GRXCR1: variants seen among roughly 807,000 people sequenced by gnomAD.
GRXCR1 encodes the protein glutaredoxin and cysteine rich domain containing 1.
In GRXCR1, 27 loss-of-function variants were observed where a neutral mutation model predicts 27.3. The ratio of observed to expected loss-of-function variants is 0.99; its 90% CI spans 0.73 to 1.37. The LOEUF is 1.37. Among genes scored for constraint, GRXCR1 ranks in the 40% most tolerant of loss-of-function variants. GRXCR1 has a pLI of 0.00. For synonymous variants in GRXCR1, 122 were observed against 131.1 expected (o/e 0.93, Z 0.47); for missense variants, 379 against 354.4 (o/e 1.07, Z -0.56).
chr4:42,896,550 C>G (rs1290412392), intron 1 of GRXCR1, among the ~76,000 whole-genome samples: 2 of 151,938 alleles, frequency 1.3e-5, no homozygotes, highest in Non-Finnish European at 2.9e-5. Flanking sequence ...GTTGAATTTG[C>G]CAACTCTCCC....
chr4:42,940,107 G>A (rs1747580186), intron 1 of GRXCR1, among the ~76,000 whole-genome samples: 1 of 151,908 alleles, frequency 6.6e-6, no homozygotes, highest in African/African-American at 2.4e-5. Flanking sequence ...CAGAGCCATG[G>A]GAGGATCTTT....
chr4:43,000,494 A>G (rs1712317457), intron 2 of GRXCR1, among the ~76,000 whole-genome samples: 1 of 142,466 alleles, frequency 7.0e-6, no homozygotes, highest in South Asian at 2.2e-4. Context: ...AAAAAAAAAA[A>G]AAAGAAGGCA....
At chr4:43,004,021 C>T (rs1226305552) in intron 2 of GRXCR1, among the ~76,000 whole-genome samples, 1 of 152,214 alleles carries the variant, frequency 6.6e-6, no homozygotes, top group Admixed American at 6.5e-5. Flanking sequence ...ATAACATAGG[C>T]CTGGAGGCCT....
At chr4:42,989,031 A>G (rs1175428315) in intron 2 of GRXCR1, among the ~76,000 whole-genome samples, 1 of 152,246 alleles carries the variant, frequency 6.6e-6, no homozygotes, top group Non-Finnish European at 1.5e-5. Context: ...TCTCTGTTAC[A>G]TGAAGCTAGT....
chr4:43,030,142 G>A (rs1713375579), intron 3 of GRXCR1, among the ~76,000 whole-genome samples: 1 of 152,334 alleles, frequency 6.6e-6, no homozygotes, highest in Non-Finnish European at 1.5e-5. Context: ...AACCAAGCCT[G>A]TGGTATAGAT....
chr4:43,018,088 TC>T (rs1712983487), intron 2 of GRXCR1, among the ~76,000 whole-genome samples: 1 of 152,198 alleles, frequency 6.6e-6, no homozygotes, highest in South Asian at 2.1e-4. Context: ...GATTTCCTTG[TC>T]CCCTGTAGGA....
At position 42,987,271 on chromosome 4, in the gene GRXCR1, T is replaced by G. The variant is rs1432446928; in HGVS notation, c.627+24137T>G. Among the ~76,000 whole-genome samples, 25 of 116,444 alleles carry G rather than the reference T, an allele frequency of 2.1e-4. 1 individual carries two copies. The South Asian group carries it at 3.1e-3, about 14-fold the overall frequency. 76.4% of individuals were successfully genotyped at this position (116,444 alleles called of 152,430 possible). The stretch of plus-strand genomic sequence containing the variant: ...ATAATATATATATATAATATATATA[T>G]ATATATAGAGAGAGAGAGAGAGAGA... On this transcript the variant is annotated intron_variant, in intron 2 of 3. Coordinates refer to ENST00000399770, the MANE Select transcript of GRXCR1 (RefSeq NM_001080476.3).
At chr4:42,944,088 A>G (rs1033173731) in intron 1 of GRXCR1, among the ~76,000 whole-genome samples, 5 of 152,094 alleles carry the variant, frequency 3.3e-5, no homozygotes, top group South Asian at 2.1e-4. Context: ...GAACAGAGCA[A>G]TACAGATAAG....
intron 1 of GRXCR1, among the ~76,000 whole-genome samples, chr4:42,951,313 C>T (rs1295199038): frequency 1.3e-5 from 2 of 152,192 alleles, no homozygotes; most frequent in African/African-American, 2.4e-5. Flanking sequence ...ATGCTCATCT[C>T]TTCCAGAAAC....
rs78131488 is a variant in GRXCR1 at position 42,998,393 on chromosome 4, T to C, written c.628-21961T>C. On this transcript the variant is annotated intron_variant, in intron 2 of 3. Coordinates refer to ENST00000399770, the MANE Select transcript of GRXCR1 (RefSeq NM_001080476.3). ...CCACATTTTTATTCATGTACAAATG[T>C]TCCATGCACATGTAATTAAGTAGAG... Among the ~76,000 whole-genome samples the C allele has an allele frequency of 3.8e-3, 586 of 152,312 alleles. 2 individuals are homozygous for C. Among genetic ancestry groups the C allele is most frequent in the South Asian group, 4.6e-3 (22 of 4,826 alleles).
intron 1 of GRXCR1, among the ~76,000 whole-genome samples, chr4:42,918,690 A>G: frequency 6.6e-6 from 1 of 152,090 alleles, no homozygotes; most frequent in Non-Finnish European, 1.5e-5. Flanking sequence ...TTCTTTCCCA[A>G]TAAGCATCTA....
At chr4:42,978,565 T>C (rs1424268206) in intron 2 of GRXCR1, among the ~76,000 whole-genome samples, 1 of 152,086 alleles carries the variant, frequency 6.6e-6, no homozygotes, top group Admixed American at 6.6e-5. Context: ...ACTTATATAA[T>C]TGAGATTGTT....
intron 1 of GRXCR1, among the ~76,000 whole-genome samples, chr4:42,911,176 A>G (rs1438388601): frequency 6.6e-6 from 1 of 152,202 alleles, no homozygotes; most frequent in Non-Finnish European, 1.5e-5. Flanking sequence ...ATGAATGAAT[A>G]CATTCTGATA....
At chr4:42,912,714 G>T (rs1452547788) in intron 1 of GRXCR1, among the ~76,000 whole-genome samples, 1 of 152,164 alleles carries the variant, frequency 6.6e-6, no homozygotes, top group Non-Finnish European at 1.5e-5. Flanking sequence ...GGAAACTAAA[G>T]TGCTGATCCT....
intron 1 of GRXCR1, among the ~76,000 whole-genome samples, chr4:42,903,679 TC>T (rs1271892955): frequency 1.4e-5 from 2 of 147,920 alleles, no homozygotes; most frequent in Non-Finnish European, 3.0e-5. Context: ...TTTTCTTTTT[TC>T]CCCTAAATTT....
At chr4:42,915,720 C>T (rs1746870682) in intron 1 of GRXCR1, among the ~76,000 whole-genome samples, 2 of 151,880 alleles carry the variant, frequency 1.3e-5, no homozygotes, top group Admixed American at 1.3e-4. Context: ...GAGTCATAGC[C>T]CAGTCCCATT....
chr4:42,983,565 T>C (rs1303908188), intron 2 of GRXCR1, among the ~76,000 whole-genome samples: 1 of 151,920 alleles, frequency 6.6e-6, no homozygotes. Context: ...ATATGAACTT[T>C]AAGGTAGTTT....
rs573648196 is a variant in GRXCR1 at position 42,944,033 on chromosome 4, A to AT, written c.385-18854dup. 4.6e-4 allele frequency among the ~76,000 whole-genome samples: 70 copies of AT among 152,210 alleles called. 2 individuals are homozygous for AT. The South Asian group carries it at 0.011, about 23-fold the overall frequency. ...AGATTTGTATCCTAACAAAGTGTGT[A>AT]TTTTTATAATTGTAACACGTTTGGC... is the stretch of plus-strand genomic sequence containing the variant. On this transcript the variant is annotated intron_variant, in intron 1 of 3. Transcript: ENST00000399770.
At chr4:43,014,847 A>G (rs969350317) in intron 2 of GRXCR1, among the ~76,000 whole-genome samples, 1 of 152,194 alleles carries the variant, frequency 6.6e-6, no homozygotes, top group Admixed American at 6.6e-5. Context: ...TTGATTGATT[A>G]TCTATGGTGC....
Sources: gnomAD v4.1 joint callset for allele counts (sites outside exome capture counted in the v4.1 genomes callset) on GRCh38, gnomAD v4.1.1 for gene constraint, MANE v1.5 for transcripts, NCBI Gene and HGNC (gene_info 2026-07-23, HGNC 2026-07-21) for gene names.